SCML4: variants seen among roughly 807,000 people sequenced by gnomAD.
SCML4 encodes Scm polycomb group protein like 4, also known as sex comb on midleg-like protein 4.
In SCML4, 34 loss-of-function variants were observed where a neutral mutation model predicts 41.1. The observed-to-expected ratio is 0.83, with a 90% CI of 0.63 to 1.10. SCML4 has a LOEUF of 1.10. Ranked by LOEUF, SCML4 falls within the 50% of genes least tolerant of loss-of-function variation. The pLI, the probability that SCML4 is intolerant of heterozygous loss-of-function variation, is 0.00. For missense variants in SCML4, 522 were observed against 534.1 expected, an observed-to-expected ratio of 0.98 and a Z score of 0.22; for synonymous variants, 214 against 220.9, an observed-to-expected ratio of 0.97 and a Z score of 0.28.
the SCML4 span, among the ~76,000 whole-genome samples, chr6:107,837,253 G>A: frequency 3.9e-4 from 60 of 152,276 alleles, no homozygotes; most frequent in Non-Finnish European, 7.5e-4. Context: ...AACCATCATG[G>A]TGTTCCAAGA....
intron 5 of SCML4, among the ~76,000 whole-genome samples, chr6:107,742,009 T>C (rs1390284457): frequency 5.9e-5 from 9 of 152,164 alleles, no homozygotes; most frequent in African/African-American, 2.2e-4. Context: ...ATAGTAGTTT[T>C]AAGGAAACTC....
chr6:107,707,369 T>C (rs1011867588), intron 7 of SCML4, among the ~76,000 whole-genome samples: 24 of 82,450 alleles, frequency 2.9e-4, no homozygotes, highest in Non-Finnish European at 5.9e-4. Context: ...TATTGATTCT[T>C]ATCTTTAAAA....
intron 1 of SCML4, among the ~76,000 whole-genome samples, chr6:107,784,709 C>A (rs1781751956): frequency 6.6e-6 from 1 of 152,188 alleles, no homozygotes; most frequent in Non-Finnish European, 1.5e-5. Context: ...GCTCTGATAT[C>A]CTCAGCTTTT....
At chr6:107,799,522 C>T (rs1782949489) in intron 1 of SCML4, among the ~76,000 whole-genome samples, 1 of 152,090 alleles carries the variant, frequency 6.6e-6, no homozygotes, top group South Asian at 2.1e-4. Flanking sequence ...ATAATCTCTG[C>T]CTTTTAATAT....
intron 6 of SCML4, among the ~76,000 whole-genome samples, chr6:107,712,993 C>G (rs1465347449): frequency 6.6e-6 from 1 of 152,240 alleles, no homozygotes; most frequent in African/African-American, 2.4e-5. Context: ...TTGGTCTTGT[C>G]ATTCCCTGCC....
intron 2 of SCML4, among the ~76,000 whole-genome samples, chr6:107,767,093 G>A (rs551472204): frequency 2.8e-4 from 42 of 152,072 alleles, no homozygotes; most frequent in Non-Finnish European, 5.4e-4. Flanking sequence ...GAATAGCTGG[G>A]ATTACTGACA....
chr6:107,724,106 A>G (rs1186911303), intron 5 of SCML4, among the ~76,000 whole-genome samples: 1 of 152,188 alleles, frequency 6.6e-6, no homozygotes, highest in Non-Finnish European at 1.5e-5. Context: ...ACAAAATCCA[A>G]TACCCTTTTA....
chr6:107,754,610 A>C (rs1778954905), intron 2 of SCML4, among the ~76,000 whole-genome samples: 1 of 152,250 alleles, frequency 6.6e-6, no homozygotes, highest in African/African-American at 2.4e-5. Context: ...GCCAACACAG[A>C]GATAATAATG....
chr6:107,804,046 T>C (rs1007332971), intron 1 of SCML4, among the ~76,000 whole-genome samples: 2 of 67,886 alleles, frequency 2.9e-5, no homozygotes, highest in African/African-American at 1.4e-4. Flanking sequence ...GAATGATCAA[T>C]AACAAAAAAA....
intron 1 of SCML4, among the ~76,000 whole-genome samples, chr6:107,808,591 A>T (rs1376274649): frequency 2.4e-4 from 37 of 152,146 alleles, no homozygotes; most frequent in Admixed American, 2.4e-3. Flanking sequence ...GTCTTGAAGG[A>T]CATACAGAAC....
At chr6:107,729,466 T>G (rs1300598030) in intron 5 of SCML4, among the ~76,000 whole-genome samples, 1 of 152,236 alleles carries the variant, frequency 6.6e-6, no homozygotes, top group Non-Finnish European at 1.5e-5. Flanking sequence ...TGACTTCCCT[T>G]TCACTTGATT....
intron 1 of SCML4, among the ~76,000 whole-genome samples, chr6:107,817,970 G>A (rs1784675287): frequency 6.6e-6 from 1 of 152,098 alleles, no homozygotes; most frequent in Admixed American, 6.6e-5. Context: ...CATGCTGTTT[G>A]CCCTCTTTAT....
rs533012025 is a variant in SCML4, at chr6:107,777,114, A to ATTTGT, written c.-59-4733_-59-4729dup. On this transcript the variant is annotated intron_variant, in intron 1 of 7. Coordinates refer to ENST00000369020, the MANE Select transcript of SCML4 (RefSeq NM_198081.5). The stretch of plus-strand genomic sequence containing the variant: ...CTTTGTACACTTTTGCATTGTCTGA[A>ATTTGT]TTTGTTTTGTTTTGTTTTGTTTGAG... Among the ~76,000 whole-genome samples the ATTTGT allele has an allele frequency of 8.5e-5, 13 of 152,066 alleles. No individual in the cohort carries two copies. In the Middle Eastern group the frequency reaches 0.01, roughly 119 times the overall value.
At chr6:107,843,788 T>C in the SCML4 span, among the ~76,000 whole-genome samples, 1 of 152,184 alleles carries the variant, frequency 6.6e-6, no homozygotes, top group East Asian at 1.9e-4. Context: ...TTAGAGGGTG[T>C]AGGCAGGGAC....
At chr6:107,831,355 C>T in the SCML4 span, among the ~76,000 whole-genome samples, 1 of 130,466 alleles carries the variant, frequency 7.7e-6, no homozygotes, top group Non-Finnish European at 1.6e-5. Context: ...CAACCATTGC[C>T]TTTAGAACAA....
chr6:107,763,380 GT>G lies in SCML4; in HGVS notation c.156+8791del, dbSNP rs373094856. On this transcript the variant is annotated intron_variant, in intron 2 of 7. Transcript: ENST00000369020. ...GCCCCATGAAGAGATTCATGTTCTT[GT>G]TTTTTTTTTTTTTGTATGTTTTTGA... Among the ~76,000 whole-genome samples the G allele has an allele frequency of 2.6e-3, 366 of 139,114 alleles. 1 individual carries two copies. The highest frequency in any genetic ancestry group is 6.1e-3 in the African/African-American group (233 of 37,902). The allele number at this position is 139,114 out of a possible 152,430, so 91.3% of individuals were successfully genotyped here.
chr6:107,749,560 A>T (rs763627400), intron 3 of SCML4, 124 bp downstream of exon 3: 22 of 1,104,842 alleles, frequency 2.0e-5, no homozygotes, highest in Non-Finnish European at 2.8e-5. Flanking sequence ...CCTAGCTAGC[A>T]CACTAAATCG....
intron 2 of SCML4, among the ~76,000 whole-genome samples, chr6:107,751,866 C>T (rs1778723329): frequency 6.6e-6 from 1 of 152,056 alleles, no homozygotes; most frequent in Non-Finnish European, 1.5e-5. Flanking sequence ...AAACTCTTGA[C>T]CTCATGATCT....
rs573137207 is a variant in SCML4, at chr6:107,788,057, C to G, written c.-59-15671G>C. 3.7e-4 allele frequency among the ~76,000 whole-genome samples: 57 copies of G among 152,298 alleles called. 1 individual carries two copies. The highest frequency in any genetic ancestry group is 4.3e-4 in the Non-Finnish European group (29 of 68,036). ...CATGAAAACAGCACCAGGACCAATG[C>G]CTTCACCTCTTGTGCAGGTCAAGGA... On this transcript the variant is annotated intron_variant, in intron 1 of 7. Coordinates refer to ENST00000369020, the MANE Select transcript of SCML4 (RefSeq NM_198081.5).
Sources: allele counts gnomAD v4.1 joint callset (sites outside exome capture counted in the v4.1 genomes callset), GRCh38; gene constraint gnomAD v4.1.1; transcripts MANE v1.5; gene names NCBI Gene and HGNC (gene_info 2026-07-23, HGNC 2026-07-21).